Variants in CDH18 observed in about 807,000 individuals in gnomAD.
CDH18 encodes cadherin-18.
Under a neutral mutation model 67.9 loss-of-function variants are expected in CDH18, and 31 were observed. That is an observed-to-expected ratio of 0.46 (90% confidence interval 0.34 to 0.62). CDH18 has a LOEUF of 0.62. Among genes scored for constraint, CDH18 ranks in the 20% least tolerant of loss-of-function variants. The pLI is 0.01. For missense variants in CDH18, 890 were observed against 975.5 expected, an observed-to-expected ratio of 0.91 and a Z score of 1.17; for synonymous variants, 362 against 347.2, an observed-to-expected ratio of 1.04 and a Z score of -0.48.
chr5:19,564,350 G>A (rs922411205), intron 8 of CDH18, among the ~76,000 whole-genome samples: 5 of 152,290 alleles, frequency 3.3e-5, no homozygotes, highest in African/African-American at 9.6e-5. Context: ...AGTGAGGAAG[G>A]AGTAAAAAGG....
At chr5:20,202,358 C>T (rs1213665643) in intron 2 of CDH18, among the ~76,000 whole-genome samples, 1 of 152,068 alleles carries the variant, frequency 6.6e-6, no homozygotes, top group African/African-American at 2.4e-5. Flanking sequence ...TAGCCATGCA[C>T]CAAAAGAGCT....
At chr5:20,158,399 T>TGA (rs1179588171) in intron 2 of CDH18, among the ~76,000 whole-genome samples, 1 of 152,198 alleles carries the variant, frequency 6.6e-6, no homozygotes, top group African/African-American at 2.4e-5. Context: ...AATAATTGAA[T>TGA]GATTTTTGGA....
chr5:20,152,806 A>G (rs759038327), intron 2 of CDH18, among the ~76,000 whole-genome samples: 1 of 152,144 alleles, frequency 6.6e-6, no homozygotes, highest in African/African-American at 2.4e-5. Context: ...ATACAGTTGT[A>G]GGTTTCCAAA....
Position 20,183,106 on chromosome 5 carries a change from T to C in CDH18, c.-518+72338A>G, listed in dbSNP as rs115556697. ...CATTATAATGGACCTTAACTACAAC[T>C]AACATCATCCATTGTGGATATTAAA... On this transcript the variant is annotated intron_variant, in intron 2 of 14. Transcript: ENST00000507958. Among the ~76,000 whole-genome samples the C allele has an allele frequency of 7.7e-3, 1,171 of 151,772 alleles. 7 individuals carry two copies. The highest frequency in any genetic ancestry group is 0.012 in the Non-Finnish European group (795 of 67,934).
chr5:19,751,514 G>A (rs1770839488), intron 3 of CDH18, among the ~76,000 whole-genome samples: 2 of 152,168 alleles, frequency 1.3e-5, no homozygotes, highest in South Asian at 2.1e-4. Flanking sequence ...GTGACACAAT[G>A]TGAAAGAAAT....
intron 2 of CDH18, among the ~76,000 whole-genome samples, chr5:20,098,166 T>C (rs1333884586): frequency 1.3e-5 from 2 of 152,062 alleles, no homozygotes; most frequent in East Asian, 1.9e-4. Flanking sequence ...ATGCAACCAT[T>C]TGAAAATAAA....
At chr5:19,531,167 G>T (rs1561280354) in intron 9 of CDH18, among the ~76,000 whole-genome samples, 1 of 152,044 alleles carries the variant, frequency 6.6e-6, no homozygotes, top group Non-Finnish European at 1.5e-5. Context: ...CGTTCATTAA[G>T]AAAATGAAAA....
intron 1 of CDH18, among the ~76,000 whole-genome samples, chr5:20,541,000 G>T (rs192722680): frequency 2.6e-5 from 4 of 152,278 alleles, no homozygotes; most frequent in Non-Finnish European, 5.9e-5. Flanking sequence ...TCACACTCTT[G>T]ATTTCACATT....
At chr5:19,701,501 G>T (rs939977530) in intron 5 of CDH18, among the ~76,000 whole-genome samples, 1 of 151,966 alleles carries the variant, frequency 6.6e-6, no homozygotes, top group African/African-American at 2.4e-5. Flanking sequence ...GAATTTGGAG[G>T]TATTTAATTT....
intron 1 of CDH18, among the ~76,000 whole-genome samples, chr5:20,465,985 T>G (rs1345587971): frequency 2.0e-5 from 3 of 152,084 alleles, no homozygotes; most frequent in Non-Finnish European, 4.4e-5. Context: ...GCTCTTTAAA[T>G]TTTTAATCTG....
chr5:19,992,826 G>A (rs186475206), upstream of CDH18, among the ~76,000 whole-genome samples: 157 of 152,224 alleles, frequency 1.0e-3, 1 homozygote, highest in Middle Eastern at 0.014. Context: ...CCCACATGGA[G>A]AATTTTAAGT....
At chr5:19,768,723 TAAC>T (rs1274687512) in intron 3 of CDH18, among the ~76,000 whole-genome samples, 10 of 152,038 alleles carry the variant, frequency 6.6e-5, no homozygotes, top group African/African-American at 1.2e-4. Context: ...GAAAACTTAT[TAAC>T]AACAACAATA....
At chr5:19,903,566 T>TATATATATATATATATATATATATATA (rs61210220) in intron 2 of CDH18, among the ~76,000 whole-genome samples, 11 of 139,656 alleles carry the variant, frequency 7.9e-5, no homozygotes, top group Non-Finnish European at 1.6e-4. Context: ...TATATATATA[T>TATATATATATATATATATATATATATA]TTGTTGAGCC....
intron 10 of CDH18, among the ~76,000 whole-genome samples, chr5:19,504,745 G>C (rs1215340179): frequency 1.3e-5 from 2 of 151,818 alleles, no homozygotes; most frequent in East Asian, 3.9e-4. Flanking sequence ...CCTTGCTCTT[G>C]AATTTTAGTG....
intron 5 of CDH18, among the ~76,000 whole-genome samples, chr5:19,659,652 A>G (rs569672259): frequency 1.3e-5 from 2 of 152,198 alleles, no homozygotes; most frequent in East Asian, 3.9e-4. Context: ...CTGCACCCTT[A>G]TGAGCGGGAT....
At chr5:20,297,483 T>C (rs953963685) in intron 1 of CDH18, among the ~76,000 whole-genome samples, 6 of 152,232 alleles carry the variant, frequency 3.9e-5, no homozygotes, top group African/African-American at 7.2e-5. Context: ...TTAATTTTCA[T>C]TGTAGCCTAT....
At chr5:20,279,718 A>AAAAAAAAAC (rs1746089010) in intron 1 of CDH18, among the ~76,000 whole-genome samples, 1 of 148,326 alleles carries the variant, frequency 6.7e-6, no homozygotes, top group East Asian at 1.9e-4. Flanking sequence ...AAAAAAAAAA[A>AAAAAAAAAC]AAAAAAAAAA....
intron 3 of CDH18, among the ~76,000 whole-genome samples, chr5:19,796,445 T>C (rs1406687878): frequency 2.6e-5 from 4 of 152,028 alleles, no homozygotes; most frequent in South Asian, 2.1e-4. Context: ...TTTGAAAGAG[T>C]AGAACTGTCA....
chr5:20,354,132 A>C (rs1741418564), intron 1 of CDH18, among the ~76,000 whole-genome samples: 1 of 152,210 alleles, frequency 6.6e-6, no homozygotes, highest in Non-Finnish European at 1.5e-5. Flanking sequence ...GATAGTTTTA[A>C]CTTCTCACTG....
Sources: allele counts gnomAD v4.1 joint callset (sites outside exome capture counted in the v4.1 genomes callset), GRCh38; gene constraint gnomAD v4.1.1; transcripts MANE v1.5; gene names NCBI Gene and HGNC (gene_info 2026-07-23, HGNC 2026-07-21).